The following WASHC3 variants were observed in gnomAD, a reference collection of about 807,000 sequenced individuals.
The protein encoded by WASHC3 is WASH complex subunit 3.
WASHC3 carries 24 observed loss-of-function variants against 26.1 expected under a neutral mutation model. The observed-to-expected ratio is 0.92, with a 90% CI of 0.66 to 1.29. WASHC3 has a LOEUF of 1.29. WASHC3 is among the 50% of genes most tolerant of loss of function. The probability of loss-of-function intolerance (pLI) is 0.00; values close to 1 mark genes in which losing one functional copy is unlikely to be tolerated. For synonymous variants in WASHC3, 77 were observed against 75.7 expected (o/e 1.02, Z -0.09); for missense variants, 214 against 229.6 (o/e 0.93, Z 0.44).
At chr12:102,018,084 A>C (rs150285866) in intron 6 of WASHC3, among the ~76,000 whole-genome samples, 2 of 152,340 alleles carry the variant, frequency 1.3e-5, no homozygotes, top group African/African-American at 4.8e-5. Context: ...TGATAGGCTT[A>C]TTTCATTTAG....
chr12:102,047,046 T>C (rs1458442385), intron 2 of WASHC3, among the ~76,000 whole-genome samples: 1 of 152,236 alleles, frequency 6.6e-6, no homozygotes, highest in Non-Finnish European at 1.5e-5. Context: ...GAGCTTATCA[T>C]GCTTGTTACT....
chr12:102,044,373 T>C (rs1020233988), intron 3 of WASHC3, among the ~76,000 whole-genome samples, 161 bp from the exon 4 acceptor site: 1 of 152,228 alleles, frequency 6.6e-6, no homozygotes, highest in Non-Finnish European at 1.5e-5. Flanking sequence ...CGGTCACAAA[T>C]TCTTTTGAAG....
chr12:102,015,761 A>G (rs1474660522), intron 6 of WASHC3, among the ~76,000 whole-genome samples: 1 of 152,240 alleles, frequency 6.6e-6, no homozygotes, highest in Non-Finnish European at 1.5e-5. Context: ...ATTGTTACAG[A>G]ATGTGAGACA....
chr12:102,052,694 T>G (rs1033244068), intron 2 of WASHC3, among the ~76,000 whole-genome samples: 1 of 152,018 alleles, frequency 6.6e-6, no homozygotes, highest in East Asian at 1.9e-4. Context: ...TCAGCTCCTG[T>G]GGCCCCAGTC....
At chr12:102,058,049 G>A (rs1565822604) in intron 2 of WASHC3, among the ~76,000 whole-genome samples, 1 of 151,838 alleles carries the variant, frequency 6.6e-6, no homozygotes, top group South Asian at 2.1e-4. Context: ...CATAGACCAA[G>A]GAAACAGAAT....
In WASHC3 at chr12:102,056,807, A is replaced by T. The variant is rs73184001; in HGVS notation, c.150+4441T>A. 1.7e-3 allele frequency among the ~76,000 whole-genome samples: 258 copies of T among 152,318 alleles called. 1 individual carries two copies. Among genetic ancestry groups the T allele is most frequent in the Middle Eastern group, 3.4e-3 (1 of 294 alleles). On this transcript the variant is annotated intron_variant, in intron 2 of 6. Transcript: ENST00000240079. ...CACTAAACAAAACCCCCAGGACTTG[A>T]TGCCTTCACTACTGAATTCTACCAA...
intron 5 of WASHC3, among the ~76,000 whole-genome samples, chr12:102,037,082 T>C (rs1877695270): frequency 6.6e-6 from 1 of 152,232 alleles, no homozygotes; most frequent in Non-Finnish European, 1.5e-5. Flanking sequence ...GTACCAACTC[T>C]AGAGATTCTA....
At chr12:102,055,364 G>C (rs1022704402) in intron 2 of WASHC3, among the ~76,000 whole-genome samples, 1 of 151,952 alleles carries the variant, frequency 6.6e-6, no homozygotes, top group Non-Finnish European at 1.5e-5. Flanking sequence ...TTGTTTTTTT[G>C]AGATGGAGTC....
Position 102,061,347 on chromosome 12 carries a change from CTG to C in WASHC3, c.52-3_52-2del, listed in dbSNP as rs1252819499. 2 of 1,606,048 alleles carry C rather than the reference CTG, an allele frequency of 1.2e-6. 1 individual carries two copies. Among genetic ancestry groups the C allele is most frequent in the Non-Finnish European group, 1.7e-6 (2 of 1,172,782 alleles). On this transcript the variant is annotated splice_acceptor_variant and splice_polypyrimidine_tract_variant and intron_variant, in intron 1 of 6. Transcript: ENST00000240079. LOFTEE classifies it high-confidence loss of function. Reference sequence around the variant, plus strand: ...TTCTTTTCTGTTGAATAGCTGGCACCTGTGTTACGTAAAAACAAACATGGTTC... The same window carrying C: ...TTCTTTTCTGTTGAATAGCTGGCACCTGTTACGTAAAAACAAACATGGTTC...
chr12:102,054,823 G>A (rs1878529283), intron 2 of WASHC3, among the ~76,000 whole-genome samples: 1 of 152,038 alleles, frequency 6.6e-6, no homozygotes, highest in African/African-American at 2.4e-5. Flanking sequence ...AATAGGTCAA[G>A]TAAATTAAAA....
chr12:102,060,789 C>T (rs10778170), intron 2 of WASHC3, among the ~76,000 whole-genome samples: 1 of 151,744 alleles, frequency 6.6e-6, no homozygotes, highest in African/African-American at 2.4e-5. Flanking sequence ...AACCCCGTTT[C>T]TACTAAATAT....
chr12:102,033,088 A>G (rs1877500860), intron 5 of WASHC3, among the ~76,000 whole-genome samples: 1 of 152,124 alleles, frequency 6.6e-6, no homozygotes, highest in Non-Finnish European at 1.5e-5. Context: ...GTATGTGGCA[A>G]GTGAAGCAAG....
chr12:102,037,189 G>A (rs1229051838), intron 5 of WASHC3, among the ~76,000 whole-genome samples: 19 of 152,068 alleles, frequency 1.2e-4, no homozygotes. Flanking sequence ...CCTATCAAAA[G>A]GTGAAATAGT....
intron 2 of WASHC3, among the ~76,000 whole-genome samples, chr12:102,057,866 T>C (rs573862646): frequency 1.3e-5 from 2 of 152,176 alleles, no homozygotes; most frequent in African/African-American, 4.8e-5. Flanking sequence ...ATGCAATCCC[T>C]ATCAATTTTC....
intron 2 of WASHC3, among the ~76,000 whole-genome samples, chr12:102,055,169 A>T (rs1878543882): frequency 6.6e-6 from 1 of 152,194 alleles, no homozygotes; most frequent in Non-Finnish European, 1.5e-5. Context: ...TAGATTAAGA[A>T]AAGGAGAAGA....
intron 6 of WASHC3, chr12:102,019,516 T>G (rs1876860260): frequency 5.6e-6 from 1 of 177,572 alleles, no homozygotes; most frequent in Non-Finnish European, 1.2e-5. Context: ...TAATAGTCTC[T>G]TGTTATTTTA....
Position 102,040,239 on chromosome 12 carries a change from A to G in WASHC3, c.325-261T>C, listed in dbSNP as rs778258894. The G allele has an allele frequency of 9.6e-5, 19 of 197,268 alleles. No homozygotes were observed. In the Middle Eastern group the frequency reaches 7.2e-3, roughly 75 times the overall value. 12.2% of individuals were successfully genotyped at this position (197,268 alleles called of 1,614,324 possible). On this transcript the variant is annotated intron_variant, in intron 4 of 6. Transcript: ENST00000240079. ...AAGTATATTCATGCATTAAAATAAAAATTCTGCTTTACTTGTCCCCAGAGT... is the reference window on the plus strand; with the variant it reads ...AAGTATATTCATGCATTAAAATAAAGATTCTGCTTTACTTGTCCCCAGAGT...
At chr12:102,014,564 T>G (rs543090949) in intron 6 of WASHC3, among the ~76,000 whole-genome samples, 1 of 152,222 alleles carries the variant, frequency 6.6e-6, no homozygotes, top group African/African-American at 2.4e-5. Flanking sequence ...TTTTTAAATA[T>G]ATTTGGCATA....
intron 5 of WASHC3, among the ~76,000 whole-genome samples, chr12:102,031,379 G>GA (rs949602704): frequency 6.6e-6 from 1 of 152,150 alleles, no homozygotes; most frequent in Non-Finnish European, 1.5e-5. Context: ...ACAAATGTCA[G>GA]AGGTCACTTG....
Sources: allele counts gnomAD v4.1 joint callset (sites outside exome capture counted in the v4.1 genomes callset), GRCh38; gene constraint gnomAD v4.1.1; transcripts MANE v1.5; gene names NCBI Gene and HGNC (gene_info 2026-07-23, HGNC 2026-07-21).